The following CDH12 variants were observed in gnomAD, a reference collection of about 807,000 sequenced individuals.
The protein encoded by CDH12 is cadherin 12.
In CDH12, 41 loss-of-function variants were observed where a neutral mutation model predicts 74.1. The observed-to-expected ratio is 0.55, with a 90% CI of 0.43 to 0.72. CDH12 has a LOEUF of 0.72. Among genes scored for constraint, CDH12 ranks in the 30% least tolerant of loss-of-function variants. The pLI, the probability that CDH12 is intolerant of heterozygous loss-of-function variation, is 0.00. For missense variants in CDH12, 945 were observed against 977.2 expected, an observed-to-expected ratio of 0.97 and a Z score of 0.44; for synonymous variants, 399 against 355.0, an observed-to-expected ratio of 1.12 and a Z score of -1.39.
At chr5:22,585,522 A>G (rs1740351243) in intron 1 of CDH12, among the ~76,000 whole-genome samples, 1 of 152,098 alleles carries the variant, frequency 6.6e-6, no homozygotes, top group Non-Finnish European at 1.5e-5. Context: ...TTCTTCGGGA[A>G]AATCCCCTCC....
At chr5:22,008,377 C>T (rs1737088316) in intron 5 of CDH12, among the ~76,000 whole-genome samples, 1 of 151,930 alleles carries the variant, frequency 6.6e-6, no homozygotes, top group Admixed American at 6.6e-5. Flanking sequence ...TTACAGGCGT[C>T]CACCACCACG....
intron 6 of CDH12, among the ~76,000 whole-genome samples, chr5:21,938,182 C>T (rs1755158891): frequency 6.6e-6 from 1 of 151,892 alleles, no homozygotes; most frequent in African/African-American, 2.4e-5. Context: ...TACTCCAACA[C>T]CTGGCTCTCT....
chr5:22,416,335 A>C (rs2920746), intron 2 of CDH12, among the ~76,000 whole-genome samples: 23,744 of 151,810 alleles, frequency 0.16, 1,935 homozygotes, highest in Middle Eastern at 0.24. Flanking sequence ...TCGGCCTCCC[A>C]AAGTGCTGGG....
At chr5:22,681,054 G>T (rs1319672661) in intron 1 of CDH12, among the ~76,000 whole-genome samples, 2 of 152,008 alleles carry the variant, frequency 1.3e-5, no homozygotes, top group East Asian at 3.9e-4. Context: ...CAAGTAGAAG[G>T]TATCTAAGAA....
chr5:22,088,859 C>T (rs751958301), intron 4 of CDH12, among the ~76,000 whole-genome samples: 91 of 152,110 alleles, frequency 6.0e-4, no homozygotes, highest in Admixed American at 1.1e-3. Context: ...TACCAACCAC[C>T]GCATGGCATG....
chr5:22,307,623 A>C (rs924549407), intron 3 of CDH12, among the ~76,000 whole-genome samples: 3 of 152,116 alleles, frequency 2.0e-5, no homozygotes, highest in African/African-American at 4.8e-5. Context: ...AATAATTCTA[A>C]TTTTATACCA....
At chr5:22,241,042 G>A (rs1196484407) in intron 3 of CDH12, among the ~76,000 whole-genome samples, 1 of 152,036 alleles carries the variant, frequency 6.6e-6, no homozygotes, top group Non-Finnish European at 1.5e-5. Context: ...AGAATACACA[G>A]AACAGATAAG....
chr5:22,425,170 TAA>T (rs61711714), intron 2 of CDH12, among the ~76,000 whole-genome samples: 14,726 of 99,606 alleles, frequency 0.15, 975 homozygotes, highest in South Asian at 0.19. Context: ...TATATATATA[TAA>T]ATATATATAT....
intron 2 of CDH12, among the ~76,000 whole-genome samples, chr5:22,437,570 T>TAAATAAATAAATAAAA (rs1418096899): frequency 2.6e-5 from 4 of 151,432 alleles, no homozygotes; most frequent in African/African-American, 9.7e-5. Context: ...AATAAATAAA[T>TAAATAAATAAATAAAA]AAAAATAATT....
Position 22,276,272 on chromosome 5 carries a change from T to C in CDH12, c.-332-63629A>G, listed in dbSNP as rs1276008447. On this transcript the variant is annotated intron_variant, in intron 3 of 14. Coordinates refer to ENST00000382254, the MANE Select transcript of CDH12 (RefSeq NM_004061.5). ...CAACAACAGGGCATTAAAGAAAGAG[T>C]TCTGAGGATGGCCAATAAAAGAAAT... is the stretch of plus-strand genomic sequence containing the variant. 1.1e-4 allele frequency among the ~76,000 whole-genome samples: 17 copies of C among 152,160 alleles called. No homozygotes were observed. The East Asian group carries it at 3.3e-3, about 29-fold the overall frequency.
At chr5:22,685,516 G>A (rs1313873865) in intron 1 of CDH12, among the ~76,000 whole-genome samples, 3 of 152,186 alleles carry the variant, frequency 2.0e-5, no homozygotes, top group East Asian at 1.9e-4. Flanking sequence ...GATTACAGGC[G>A]TGAGTCACTG....
chr5:22,283,224 ATATATAT>A (rs1431168095), intron 3 of CDH12, among the ~76,000 whole-genome samples: 4 of 46,708 alleles, frequency 8.6e-5, no homozygotes, highest in South Asian at 8.1e-4. Flanking sequence ...ATAGATATAT[ATATATAT>A]ATATATATAT....
chr5:21,873,869 C>T (rs1361419779), intron 6 of CDH12, among the ~76,000 whole-genome samples: 1 of 54 alleles, frequency 0.019, no homozygotes, highest in East Asian at 0.5. Flanking sequence ...CAAGTGAGAA[C>T]ATGCGGTTAC....
At chr5:22,696,877 CAATT>C (rs1003235849) in intron 1 of CDH12, among the ~76,000 whole-genome samples, 2 of 151,644 alleles carry the variant, frequency 1.3e-5, no homozygotes, top group African/African-American at 4.8e-5. Flanking sequence ...TCTATTGAAA[CAATT>C]AAGCTAGCAG....
intron 2 of CDH12, among the ~76,000 whole-genome samples, chr5:22,448,526 T>C (rs934338488): frequency 1.3e-5 from 2 of 152,042 alleles, no homozygotes; most frequent in African/African-American, 4.8e-5. Context: ...AGTGAAGTAA[T>C]TTAAATAATT....
intron 3 of CDH12, among the ~76,000 whole-genome samples, chr5:22,241,702 T>A (rs890534822): frequency 6.6e-6 from 1 of 151,956 alleles, no homozygotes; most frequent in African/African-American, 2.4e-5. Flanking sequence ...AACAAATAAC[T>A]CCAGCTTCCT....
intron 5 of CDH12, among the ~76,000 whole-genome samples, chr5:22,039,581 T>C (rs541522392): frequency 6.6e-6 from 1 of 152,232 alleles, no homozygotes; most frequent in East Asian, 1.9e-4. Context: ...CTACTAAATA[T>C]TCCCATTTTG....
intron 4 of CDH12, among the ~76,000 whole-genome samples, chr5:22,211,068 A>G (rs1322170227): frequency 6.6e-6 from 1 of 152,204 alleles, no homozygotes; most frequent in African/African-American, 2.4e-5. Context: ...TGGAAGAAGC[A>G]CTAACATCGA....
rs115429307 is a variant in CDH12 at position 22,505,481 on chromosome 5, T to C, written c.-522-117A>G. ...AAAGATGGTATAGAGAGTTCCTGTA[T>C]ACCTCACACCTGATTATCACTATTG... On this transcript the variant is annotated intron_variant, in intron 1 of 14. Transcript: ENST00000382254. 7.2e-3 allele frequency: 1,266 copies of C among 174,718 alleles called. 17 individuals carry two copies. The highest frequency in any genetic ancestry group is 0.029 in the African/African-American group (1,219 of 41,938). The allele number at this position is 174,718 out of a possible 1,614,324, so 10.8% of individuals were successfully genotyped here. A position where few individuals can be genotyped will look rare whatever the true frequency, so the allele number is the denominator to read the frequency against.
Sources: allele counts gnomAD v4.1 joint callset (sites outside exome capture counted in the v4.1 genomes callset), GRCh38; gene constraint gnomAD v4.1.1; transcripts MANE v1.5; gene names NCBI Gene and HGNC (gene_info 2026-07-23, HGNC 2026-07-21).